XRCC1: variants seen among roughly 807,000 people sequenced by gnomAD.
XRCC1 encodes X-ray repair cross complementing 1, also known as DNA repair protein XRCC1.
In XRCC1, 52 loss-of-function variants were observed where a neutral mutation model predicts 83.3. The ratio of observed to expected loss-of-function variants is 0.62; its 90% CI spans 0.50 to 0.79. XRCC1 has a LOEUF of 0.79. Among genes scored for constraint, XRCC1 ranks in the 30% least tolerant of loss-of-function variants. The pLI, the probability that XRCC1 is intolerant of heterozygous loss-of-function variation, is 0.00. For synonymous variants in XRCC1, 281 were observed against 312.6 expected, an observed-to-expected ratio of 0.90 and a Z score of 1.07; for missense variants, 793 against 823.5, an observed-to-expected ratio of 0.96 and a Z score of 0.45.
intron 10 of XRCC1, among the ~76,000 whole-genome samples, chr19:43,548,030 C>T (rs1403374938): frequency 3.7e-5 from 2 of 53,814 alleles, no homozygotes; most frequent in East Asian, 4.0e-4. Flanking sequence ...AGCAGGTTCC[C>T]GTCCGGGAGG....
chr19:43,548,766 CAAAAAAAA>C (rs60740505), intron 10 of XRCC1, among the ~76,000 whole-genome samples: 1,212 of 64,608 alleles, frequency 0.019, 59 homozygotes, highest in African/African-American at 0.064. Context: ...CAAGAATGAT[CAAAAAAAA>C]AAAAAAAAAA....
intron 14 of XRCC1, among the ~76,000 whole-genome samples, 171 bp from the exon 15 acceptor site, chr19:43,544,405 G>A (rs1972487735): frequency 6.6e-6 from 1 of 152,152 alleles, no homozygotes; most frequent in South Asian, 2.1e-4. Flanking sequence ...CTCCTGGGGA[G>A]GTAGGTTGGT....
chr19:43,562,057 A>C (rs1682963266), intron 2 of XRCC1, among the ~76,000 whole-genome samples: 1 of 151,484 alleles, frequency 6.6e-6, no homozygotes, highest in South Asian at 2.1e-4. Flanking sequence ...GAGGCACAAG[A>C]ATCTCTTGAA....
chr19:43,557,399 C>T (rs1972649265), intron 3 of XRCC1, among the ~76,000 whole-genome samples: 1 of 151,254 alleles, frequency 6.6e-6, no homozygotes, highest in African/African-American at 2.4e-5. Flanking sequence ...AACTGACATG[C>T]TGTGAAATTA....
intron 10 of XRCC1, 125 bp downstream of exon 10, chr19:43,551,445 TA>T: frequency 1.2e-6 from 1 of 803,532 alleles, no homozygotes; most frequent in Non-Finnish European, 2.0e-6. Context: ...CTCCTCTCAG[TA>T]GTCTGCTGGC....
intron 2 of XRCC1, among the ~76,000 whole-genome samples, chr19:43,568,101 C>T (rs1430652808): frequency 6.6e-6 from 1 of 151,290 alleles, no homozygotes; most frequent in Non-Finnish European, 1.5e-5. Context: ...TCTTGAACAC[C>T]TGACCTCGTG....
chr19:43,559,693 G>A (rs1972677625), intron 3 of XRCC1, among the ~76,000 whole-genome samples: 1 of 152,102 alleles, frequency 6.6e-6, no homozygotes, highest in African/African-American at 2.4e-5. Context: ...GTGGCAGAAG[G>A]CACTTTGCAG....
In XRCC1 at chr19:43,543,352, G is replaced by A. The variant is rs368414217; in HGVS notation, c.*40C>T. Reference sequence around the variant, plus strand: ...TTTATTAAATGCATCGTGTGTGTGTGTGTGTGTGTGTGTGTGTGTGTGTGT... The same window carrying A: ...TTTATTAAATGCATCGTGTGTGTGTATGTGTGTGTGTGTGTGTGTGTGTGT... On this transcript the variant is annotated 3_prime_UTR_variant, in exon 17 of 17. Coordinates refer to ENST00000262887, the MANE Select transcript of XRCC1 (RefSeq NM_006297.3). 5.2e-6 allele frequency: 6 copies of A among 1,157,980 alleles called. No individual in the cohort carries two copies. The highest frequency in any genetic ancestry group is 2.7e-4 in the Middle Eastern group (1 of 3,726). 71.7% of individuals were successfully genotyped at this position (1,157,980 alleles called of 1,614,324 possible). A position where few individuals can be genotyped will look rare whatever the true frequency, so the allele number is the denominator to read the frequency against.
chr19:43,546,743 G>A lies in XRCC1; in HGVS notation c.1294-16C>T, dbSNP rs1972514911. The A allele has an allele frequency of 2.5e-6, 4 of 1,603,540 alleles. No individual in the cohort carries two copies. The highest frequency in any genetic ancestry group is 3.4e-6 in the Non-Finnish European group (4 of 1,175,186). ...TCTGGGGTTGCTAAGGAGGGAGAGT[G>A]GGTGGGTGAGGAGGGCAGGAACAGT... On this transcript the variant is annotated splice_polypyrimidine_tract_variant and intron_variant, in intron 11 of 16. Transcript: ENST00000262887.
rs755129169 is a variant in XRCC1 at position 43,551,683 on chromosome 19, C to T, written c.1087G>A (p.Ala363Thr). The change falls in exon 10 of 17, where the codon GCC (alanine) becomes ACC (threonine). Residue 363 changes from alanine to threonine, a missense_variant. Physicochemically the swap from Ala to Thr is moderately conservative, Grantham distance 58 (BLOSUM62 0). Coordinates refer to ENST00000262887, the MANE Select transcript of XRCC1 (RefSeq NM_006297.3). ...WTRDSTHLIC[A>T]FANTPKYSQV... ...CTGTACTTGGGGGTGTTGGCAAAGG[C>T]ACAGCTGGTGGGGGGCAGAAGTGAA... 2 of 1,613,878 alleles carry T rather than the reference C, an allele frequency of 1.2e-6. No individual in the cohort carries two copies. Among genetic ancestry groups the T allele is most frequent in the Non-Finnish European group, 8.5e-7 (1 of 1,179,894 alleles).
At chr19:43,561,705 G>C (rs1972701031) in intron 2 of XRCC1, among the ~76,000 whole-genome samples, 1 of 152,202 alleles carries the variant, frequency 6.6e-6, no homozygotes, top group African/African-American at 2.4e-5. Context: ...CCTATAGGAG[G>C]GCTCATCTCA....
chr19:43,563,841 T>G (rs1972725546), intron 2 of XRCC1, among the ~76,000 whole-genome samples: 1 of 152,186 alleles, frequency 6.6e-6, no homozygotes, highest in Non-Finnish European at 1.5e-5. Context: ...TGTTACACAG[T>G]TACATCTTTT....
At chr19:43,558,497 G>A (rs1972662169) in intron 3 of XRCC1, among the ~76,000 whole-genome samples, 1 of 151,610 alleles carries the variant, frequency 6.6e-6, no homozygotes, top group Non-Finnish European at 1.5e-5. Context: ...AATTAGCCGG[G>A]CATGATGGCT....
rs373262945 is a variant in XRCC1 at position 43,546,035 on chromosome 19, C to G, written c.1481+17G>C. 7 of 1,602,630 alleles carry G rather than the reference C, an allele frequency of 4.4e-6. No individual in the cohort carries two copies. The African/African-American group carries it at 9.4e-5, about 21-fold the overall frequency. ...ACCCAAGGCCAGGGACACCCCAACC[C>G]CCAGCCCCAGCCCTACCTCCTCAGC... On this transcript the variant is annotated intron_variant, in intron 13 of 16. Coordinates refer to ENST00000262887, the MANE Select transcript of XRCC1 (RefSeq NM_006297.3).
rs1475430005 is a variant in XRCC1, at chr19:43,552,828, C to G, written c.792G>C (p.Gln264His). 3 of 1,612,498 alleles carry G rather than the reference C, an allele frequency of 1.9e-6. No homozygotes were observed. Among genetic ancestry groups the G allele is most frequent in the Non-Finnish European group, 2.5e-6 (3 of 1,179,518 alleles). The change falls in exon 8 of 17, where the codon CAG becomes CAC. Residue 264 changes from glutamine to histidine, a missense_variant. Coordinates refer to ENST00000262887, the MANE Select transcript of XRCC1 (RefSeq NM_006297.3). ...EKKTPSKPPAQLSPSVPKRPK... is the reference protein window; with the variant it reads ...EKKTPSKPPAHLSPSVPKRPK... Reference sequence around the variant, plus strand: ...GTCTCTTGGGAACAGATGGCGACAGCTGGGCTGGTGGTTTGCTGGGGGTCT... The same window carrying G: ...GTCTCTTGGGAACAGATGGCGACAGGTGGGCTGGTGGTTTGCTGGGGGTCT...
chr19:43,560,780 T>C (rs886171059), intron 3 of XRCC1, 130 bp downstream of exon 3: 9 of 743,572 alleles, frequency 1.2e-5, no homozygotes, highest in Non-Finnish European at 2.1e-5. Flanking sequence ...TGGGTGATCC[T>C]CCAGAGGGCA....
intron 1 of XRCC1, among the ~76,000 whole-genome samples, 165 bp from the exon 2 acceptor site, chr19:43,575,167 T>C (rs183373394): frequency 1.3e-5 from 2 of 152,244 alleles, no homozygotes; most frequent in Non-Finnish European, 1.5e-5. Flanking sequence ...TACAACACTT[T>C]CCCGTGGAAG....
intron 3 of XRCC1, among the ~76,000 whole-genome samples, chr19:43,556,982 GT>G (rs1386192697): frequency 1.3e-5 from 2 of 150,578 alleles, no homozygotes; most frequent in Non-Finnish European, 3.0e-5. Flanking sequence ...TCCAGCCTGG[GT>G]GACGGAGCAA....
In XRCC1 at chr19:43,553,665, T is replaced by G; in HGVS notation, c.433A>C (p.Ser145Arg). 6.6e-7 allele frequency: 1 copy of G among 1,504,704 alleles called. No individual in the cohort carries two copies. The highest frequency in any genetic ancestry group is 8.9e-7 in the Non-Finnish European group (1 of 1,118,960). The allele number at this position is 1,504,704 out of a possible 1,614,324, so 93.2% of individuals were successfully genotyped here. A position where few individuals can be genotyped will look rare whatever the true frequency, so the allele number is the denominator to read the frequency against. The change falls in exon 5 of 17, where the codon AGT (serine) becomes CGT (arginine). Residue 145 changes from serine to arginine, a missense_variant. By Grantham distance (110) the Ser-to-Arg change is moderately radical (BLOSUM62 -1). Coordinates refer to ENST00000262887, the MANE Select transcript of XRCC1 (RefSeq NM_006297.3). ...PYSKDSPFGL[S>R]FVRFHSPPDK... ...GGGGGGCTATGAAACCGTACAAAACTCAAGCCAAAGGGGGAGTCCTGGGAA... is the reference window on the plus strand; with the variant it reads ...GGGGGGCTATGAAACCGTACAAAACGCAAGCCAAAGGGGGAGTCCTGGGAA...
Sources: allele counts gnomAD v4.1 joint callset (sites outside exome capture counted in the v4.1 genomes callset), GRCh38; gene constraint gnomAD v4.1.1; transcripts MANE v1.5; gene names NCBI Gene and HGNC (gene_info 2026-07-23, HGNC 2026-07-21).